The following KCND3 variants were observed in gnomAD, a reference collection of about 807,000 sequenced individuals.
KCND3 encodes the protein A-type voltage-gated potassium channel KCND3.
KCND3 carries 9 observed loss-of-function variants against 51.1 expected under a neutral mutation model. The ratio of observed to expected loss-of-function variants is 0.18; its 90% confidence interval spans 0.11 to 0.31. The LOEUF is 0.31. Among genes scored for constraint, KCND3 ranks in the 10% least tolerant of loss-of-function variants. The probability of loss-of-function intolerance (pLI) is 1.00; values close to 1 mark genes in which losing one functional copy is unlikely to be tolerated. For synonymous variants in KCND3, 349 were observed against 368.0 expected, an observed-to-expected ratio of 0.95 and a Z score of 0.59; for missense variants, 526 against 903.8, an observed-to-expected ratio of 0.58 and a Z score of 5.36.
At chr1:111,791,993 G>A (rs185644309) in intron 2 of KCND3, among the ~76,000 whole-genome samples, 216 of 152,306 alleles carry the variant, frequency 1.4e-3, no homozygotes, top group Middle Eastern at 6.8e-3. Context: ...AGTGGGTGTC[G>A]TACTCTGCTC....
intron 3 of KCND3, among the ~76,000 whole-genome samples, chr1:111,784,168 T>C (rs1365805241): frequency 6.6e-6 from 1 of 150,542 alleles, no homozygotes; most frequent in South Asian, 2.1e-4. Flanking sequence ...ACTGGAGATA[T>C]CTGAATAAGA....
At chr1:111,906,154 C>G (rs1439385271) in intron 2 of KCND3, among the ~76,000 whole-genome samples, 1 of 152,190 alleles carries the variant, frequency 6.6e-6, no homozygotes. Flanking sequence ...ATTTTCCTTT[C>G]CTAGACTCAT....
At chr1:111,913,772 T>C (rs1354935950) in intron 2 of KCND3, among the ~76,000 whole-genome samples, 1 of 152,122 alleles carries the variant, frequency 6.6e-6, no homozygotes, top group Non-Finnish European at 1.5e-5. Flanking sequence ...GGTGTGTACC[T>C]CTGATCCGAG....
At chr1:111,857,286 C>T (rs143865792) in intron 2 of KCND3, among the ~76,000 whole-genome samples, 320 of 152,232 alleles carry the variant, frequency 2.1e-3, no homozygotes, top group African/African-American at 7.2e-3. Flanking sequence ...CAGCCCTGGG[C>T]GTGGGGTCAC....
At chr1:111,840,468 T>C (rs1201463278) in intron 2 of KCND3, among the ~76,000 whole-genome samples, 1 of 151,384 alleles carries the variant, frequency 6.6e-6, no homozygotes, top group East Asian at 2.0e-4. Flanking sequence ...TCTAAAATTA[T>C]ACACAAAACA....
intron 2 of KCND3, among the ~76,000 whole-genome samples, chr1:111,967,495 C>T (rs1397098225): frequency 6.6e-6 from 1 of 152,182 alleles, no homozygotes; most frequent in Non-Finnish European, 1.5e-5. Context: ...CCTTGATCTG[C>T]GTCCTGCCAG....
chr1:111,890,101 C>T (rs1341684175), intron 2 of KCND3, among the ~76,000 whole-genome samples: 3 of 152,110 alleles, frequency 2.0e-5, no homozygotes, highest in Non-Finnish European at 4.4e-5. Flanking sequence ...TTCAGCTTTG[C>T]CTCTGGATGA....
chr1:111,812,913 C>A (rs185176194), intron 2 of KCND3, among the ~76,000 whole-genome samples: 11 of 152,308 alleles, frequency 7.2e-5, no homozygotes, highest in Non-Finnish European at 7.4e-5. Flanking sequence ...GTTCTCCCAG[C>A]ATCCTGTGCC....
At chr1:111,841,643 G>C (rs573838355) in intron 2 of KCND3, among the ~76,000 whole-genome samples, 108 of 152,354 alleles carry the variant, frequency 7.1e-4, no homozygotes, top group African/African-American at 2.5e-3. Context: ...GGGTTGATGT[G>C]AAGAGTAAAT....
At chr1:111,847,949 C>T (rs1458296116) in intron 2 of KCND3, among the ~76,000 whole-genome samples, 2 of 152,328 alleles carry the variant, frequency 1.3e-5, no homozygotes, top group South Asian at 2.1e-4. Context: ...GCTCCCATGA[C>T]AGCACCTGCC....
chr1:111,820,986 T>G (rs1260361159), intron 2 of KCND3, among the ~76,000 whole-genome samples: 1 of 152,238 alleles, frequency 6.6e-6, no homozygotes, highest in Non-Finnish European at 1.5e-5. Context: ...CACCTTAACC[T>G]TGGACTTCCA....
intron 2 of KCND3, among the ~76,000 whole-genome samples, chr1:111,791,387 G>A (rs1664816534): frequency 1.3e-5 from 2 of 152,314 alleles, no homozygotes; most frequent in South Asian, 4.1e-4. Context: ...TGGAGCTGTT[G>A]GCAGCCATGC....
chr1:111,972,168 CTTTTT>C (rs56102317), intron 2 of KCND3, among the ~76,000 whole-genome samples: 6 of 80,202 alleles, frequency 7.5e-5, no homozygotes, highest in Non-Finnish European at 9.2e-5. Flanking sequence ...ATTTGTATAT[CTTTTT>C]TTTTTTTTTT....
intron 2 of KCND3, among the ~76,000 whole-genome samples, chr1:111,853,223 C>G (rs7535391): frequency 0.83 from 125,874 of 152,176 alleles, 52,517 homozygotes; most frequent in South Asian, 0.93. Flanking sequence ...TCCAGCATCA[C>G]AACTTGAGGC....
chr1:111,895,202 GCAGGGT>G (rs1670046809), intron 2 of KCND3, among the ~76,000 whole-genome samples: 1 of 150,562 alleles, frequency 6.6e-6, no homozygotes, highest in African/African-American at 2.4e-5. Flanking sequence ...GGGGGAGGAG[GCAGGGT>G]GAGGACGGAG....
intron 2 of KCND3, among the ~76,000 whole-genome samples, chr1:111,863,297 C>G (rs916693710): frequency 5.3e-5 from 8 of 150,296 alleles, no homozygotes; most frequent in Non-Finnish European, 1.2e-4. Context: ...CAACTATGTG[C>G]CAGACATTGA....
chr1:111,805,325 C>T (rs903739118), intron 2 of KCND3, among the ~76,000 whole-genome samples: 3 of 152,184 alleles, frequency 2.0e-5, no homozygotes, highest in Non-Finnish European at 4.4e-5. Context: ...AGGAACTCTT[C>T]CAGTCTGGCC....
chr1:111,863,548 A>AT (rs1424361300), intron 2 of KCND3, among the ~76,000 whole-genome samples: 1 of 152,212 alleles, frequency 6.6e-6, no homozygotes, highest in African/African-American at 2.4e-5. Context: ...ACACAGAGGC[A>AT]TTCAATAACA....
rs190082923 is a variant in KCND3 at position 111,809,474 on chromosome 1, A to G, written c.1107-22368T>C. Among the ~76,000 whole-genome samples, 1,282 of 151,920 alleles carry G rather than the reference A, an allele frequency of 8.4e-3. 12 individuals carry two copies. The highest frequency in any genetic ancestry group is 0.012 in the Non-Finnish European group (805 of 67,930). On this transcript the variant is annotated intron_variant, in intron 2 of 7. Transcript: ENST00000302127. ...CAGGCGCCCACCACCACACCCGGCT[A>G]ATTTTTTGTATTTTTAGTAGAAACG... is the stretch of plus-strand genomic sequence containing the variant.
Sources: allele counts gnomAD v4.1 joint callset (sites outside exome capture counted in the v4.1 genomes callset), GRCh38; gene constraint gnomAD v4.1.1; transcripts MANE v1.5; gene names NCBI Gene and HGNC (gene_info 2026-07-23, HGNC 2026-07-21).